Variants in PDE1C observed in about 807,000 individuals in gnomAD.
PDE1C encodes dual specificity calcium/calmodulin-dependent 3',5'-cyclic nucleotide phosphodiesterase 1C.
PDE1C carries 62 observed loss-of-function variants against 93.1 expected under a neutral mutation model. The observed-to-expected ratio is 0.67, with a 90% CI of 0.54 to 0.82. PDE1C has a LOEUF of 0.82. Ranked by LOEUF, PDE1C falls within the 40% of genes least tolerant of loss-of-function variation. The pLI is 0.00. For missense variants in PDE1C, 742 were observed against 884.6 expected (o/e 0.84, Z 2.04); for synonymous variants, 325 against 310.1 (o/e 1.05, Z -0.50).
At chr7:32,270,645 C>T (rs112669248) in intron 1 of PDE1C, among the ~76,000 whole-genome samples, 32 of 152,088 alleles carry the variant, frequency 2.1e-4, no homozygotes, top group Non-Finnish European at 2.9e-4. Flanking sequence ...AGGCCCAAGG[C>T]GCCCCAAGCC....
chr7:31,965,252 G>T (rs1400709024), intron 2 of PDE1C, among the ~76,000 whole-genome samples: 1 of 152,206 alleles, frequency 6.6e-6, no homozygotes, highest in Non-Finnish European at 1.5e-5. Flanking sequence ...CCAATGCAGA[G>T]AAGTCCTTAA....
chr7:32,355,086 A>T (rs1369453670), intron 1 of PDE1C, among the ~76,000 whole-genome samples: 1 of 152,062 alleles, frequency 6.6e-6, no homozygotes, highest in Non-Finnish European at 1.5e-5. Flanking sequence ...CAACACCCCA[A>T]AGCTCTTAAA....
At chr7:32,018,180 T>C (rs1295597313) in intron 2 of PDE1C, among the ~76,000 whole-genome samples, 4 of 151,910 alleles carry the variant, frequency 2.6e-5, no homozygotes, top group Non-Finnish European at 5.9e-5. Context: ...GTGATTATGC[T>C]GAGAAATTGG....
chr7:31,632,258 C>T, the PDE1C span, among the ~76,000 whole-genome samples: 6 of 151,980 alleles, frequency 3.9e-5, no homozygotes, highest in Admixed American at 3.3e-4. Context: ...ACCATCCTGG[C>T]TAACACGGTG....
At chr7:32,102,069 C>T (rs889129214) in intron 3 of PDE1C, among the ~76,000 whole-genome samples, 5 of 152,150 alleles carry the variant, frequency 3.3e-5, no homozygotes, top group Admixed American at 1.3e-4. Context: ...GAGGGATCTG[C>T]CCCCATGACC....
At position 32,103,678 on chromosome 7, in the gene PDE1C, C is replaced by T. The variant is rs115451908; in HGVS notation, c.308+66107G>A. The stretch of plus-strand genomic sequence containing the variant: ...AGCTTGTAATGCTCTTAAATACAAA[C>T]GGACAATGATTGTCATGCATTTAAG... On this transcript the variant is annotated intron_variant, in intron 3 of 18. Coordinates refer to the PDE1C transcript ENST00000396193. Among the ~76,000 whole-genome samples the T allele has an allele frequency of 7.5e-3, 1,134 of 152,188 alleles. 18 individuals are homozygous for T. Among genetic ancestry groups the T allele is most frequent in the African/African-American group, 0.025 (1,029 of 41,530 alleles).
chr7:32,038,485 C>T (rs1345961828), intron 2 of PDE1C, among the ~76,000 whole-genome samples: 4 of 152,178 alleles, frequency 2.6e-5, no homozygotes, highest in South Asian at 2.1e-4. Flanking sequence ...ATAGCATACA[C>T]GCATTGTCTC....
At chr7:31,728,599 A>G in the PDE1C span, among the ~76,000 whole-genome samples, 1 of 152,052 alleles carries the variant, frequency 6.6e-6, no homozygotes, top group Non-Finnish European at 1.5e-5. Flanking sequence ...GTATTTGTGG[A>G]TTGTTTTCCG....
intron 16 of PDE1C, among the ~76,000 whole-genome samples, chr7:31,804,768 T>C (rs899934663): frequency 1.3e-5 from 2 of 151,982 alleles, no homozygotes; most frequent in Middle Eastern, 3.4e-3. Context: ...AGGTACTTAA[T>C]TGCAAGCACT....
At chr7:31,962,517 G>A (rs1809151768) in intron 2 of PDE1C, among the ~76,000 whole-genome samples, 1 of 152,198 alleles carries the variant, frequency 6.6e-6, no homozygotes, top group Non-Finnish European at 1.5e-5. Context: ...TGGAAGGACT[G>A]GGCAGGAGGG....
chr7:31,847,538 T>A (rs1255366147), intron 9 of PDE1C, among the ~76,000 whole-genome samples: 1 of 152,042 alleles, frequency 6.6e-6, no homozygotes, highest in Non-Finnish European at 1.5e-5. Flanking sequence ...GCAACACAAG[T>A]TTCCTAAGGT....
intron 2 of PDE1C, among the ~76,000 whole-genome samples, chr7:31,912,066 C>G (rs545234281): frequency 1.3e-5 from 2 of 151,790 alleles, no homozygotes; most frequent in African/African-American, 4.8e-5. Flanking sequence ...TCCATTGGTT[C>G]GAGGGCAAAA....
At chr7:31,844,788 T>A (rs1792344629) in intron 9 of PDE1C, among the ~76,000 whole-genome samples, 1 of 152,032 alleles carries the variant, frequency 6.6e-6, no homozygotes, top group Admixed American at 6.6e-5. Context: ...TGTTGGCTCA[T>A]ATAAAATTAT....
intron 3 of PDE1C, among the ~76,000 whole-genome samples, chr7:32,095,607 G>A (rs1441713766): frequency 1.3e-5 from 2 of 152,112 alleles, no homozygotes; most frequent in Admixed American, 6.6e-5. Flanking sequence ...GCCCACTTTG[G>A]GCCTCAAATA....
At chr7:31,713,849 A>G in the PDE1C span, among the ~76,000 whole-genome samples, 1 of 152,182 alleles carries the variant, frequency 6.6e-6, no homozygotes, top group African/African-American at 2.4e-5. Context: ...TGGGATGCAG[A>G]GCACCAAGTC....
chr7:31,622,256 T>A, the PDE1C span, among the ~76,000 whole-genome samples: 1 of 149,476 alleles, frequency 6.7e-6, no homozygotes. Context: ...CAAGCGGACC[T>A]AATAGGCATC....
intron 1 of PDE1C, among the ~76,000 whole-genome samples, chr7:32,391,509 C>T (rs1784750350): frequency 6.6e-6 from 1 of 152,262 alleles, no homozygotes; most frequent in South Asian, 2.1e-4. Flanking sequence ...AAGACATCTA[C>T]AGAACATTCT....
intron 1 of PDE1C, among the ~76,000 whole-genome samples, chr7:32,419,449 G>A (rs2128099319): frequency 6.6e-6 from 1 of 152,296 alleles, no homozygotes; most frequent in East Asian, 1.9e-4. Flanking sequence ...GTTAACTTCA[G>A]CTCCCTCAGG....
At chr7:31,704,514 T>C in the PDE1C span, among the ~76,000 whole-genome samples, 5 of 152,216 alleles carry the variant, frequency 3.3e-5, no homozygotes. Flanking sequence ...AAATCCCTAC[T>C]GCATTCTAAG....
Sources: gnomAD v4.1 joint callset for allele counts (sites outside exome capture counted in the v4.1 genomes callset) on GRCh38, gnomAD v4.1.1 for gene constraint, MANE v1.5 for transcripts, NCBI Gene and HGNC (gene_info 2026-07-23, HGNC 2026-07-21) for gene names.